THSD4: variants seen among roughly 807,000 people sequenced by gnomAD.
THSD4 encodes thrombospondin type-1 domain-containing protein 4.
THSD4 carries 69 observed loss-of-function variants against 119.0 expected under a neutral mutation model. That is an observed-to-expected ratio of 0.58 (90% CI 0.48 to 0.71). The LOEUF (loss-of-function observed/expected upper bound fraction) is 0.71. Among genes scored for constraint, THSD4 ranks in the 30% least tolerant of loss-of-function variants. The probability of loss-of-function intolerance (pLI) is 0.00; values close to 1 mark genes in which losing one functional copy is unlikely to be tolerated. For synonymous variants in THSD4, 524 were observed against 540.4 expected (o/e 0.97, Z 0.42); for missense variants, 1,393 against 1,391.1 (o/e 1.00, Z -0.02).
At chr15:71,247,140 T>G (rs1267405022) in intron 5 of THSD4, among the ~76,000 whole-genome samples, 1 of 152,050 alleles carries the variant, frequency 6.6e-6, no homozygotes, top group South Asian at 2.1e-4. Flanking sequence ...TCAGGTGATC[T>G]GCCCACCTCT....
At chr15:71,775,627 C>T (rs1476207002) in intron 17 of THSD4, among the ~76,000 whole-genome samples, 1 of 152,160 alleles carries the variant, frequency 6.6e-6, no homozygotes, top group Non-Finnish European at 1.5e-5. Context: ...AGGAGAAAGG[C>T]TTGGACCCGG....
chr15:71,189,303 C>T (rs1361206643), intron 3 of THSD4, among the ~76,000 whole-genome samples: 3 of 152,196 alleles, frequency 2.0e-5, no homozygotes, highest in Non-Finnish European at 4.4e-5. Context: ...ATGAAACCAA[C>T]AGAGAGCAAT....
At chr15:71,134,657 A>C (rs914364052) in intron 1 of THSD4, among the ~76,000 whole-genome samples, 1 of 152,260 alleles carries the variant, frequency 6.6e-6, no homozygotes, top group African/African-American at 2.4e-5. Context: ...AAGAGGACTG[A>C]AAGAGTCTAC....
intron 8 of THSD4, among the ~76,000 whole-genome samples, chr15:71,692,305 A>G (rs921880634): frequency 6.6e-6 from 1 of 152,228 alleles, no homozygotes; most frequent in Non-Finnish European, 1.5e-5. Flanking sequence ...TTATGAGGTC[A>G]TCTGGCTGGA....
intron 3 of THSD4, among the ~76,000 whole-genome samples, 183 bp downstream of exon 3, chr15:71,155,115 G>A (rs2040763586): frequency 6.6e-6 from 1 of 152,198 alleles, no homozygotes; most frequent in African/African-American, 2.4e-5. Context: ...ATCTGAAACT[G>A]GGGAATTTAT....
intron 7 of THSD4, among the ~76,000 whole-genome samples, chr15:71,585,536 G>T (rs2049649052): frequency 6.6e-6 from 1 of 152,102 alleles, no homozygotes; most frequent in Non-Finnish European, 1.5e-5. Flanking sequence ...TGACAATTTG[G>T]TTATAATGTG....
intron 6 of THSD4, among the ~76,000 whole-genome samples, chr15:71,320,736 C>T (rs181398475): frequency 6.6e-6 from 1 of 152,300 alleles, no homozygotes; most frequent in African/African-American, 2.4e-5. Flanking sequence ...CAAGAAACCG[C>T]ATCAAATAAC....
intron 7 of THSD4, among the ~76,000 whole-genome samples, chr15:71,471,446 C>T (rs1198249800): frequency 6.6e-6 from 1 of 152,028 alleles, no homozygotes; most frequent in Non-Finnish European, 1.5e-5. Flanking sequence ...CTAGGCCAGC[C>T]CTGAGGTGTC....
At chr15:71,248,548 C>G (rs1483155050) in intron 5 of THSD4, among the ~76,000 whole-genome samples, 1 of 152,058 alleles carries the variant, frequency 6.6e-6, no homozygotes, top group African/African-American at 2.4e-5. Flanking sequence ...ACAGAGTGCA[C>G]TTAACATTAT....
intron 6 of THSD4, among the ~76,000 whole-genome samples, chr15:71,309,780 GTA>G (rs2045085714): frequency 6.6e-6 from 1 of 152,178 alleles, no homozygotes; most frequent in Non-Finnish European, 1.5e-5. Flanking sequence ...CTTGTTGACC[GTA>G]TATGTATGGG....
chr15:71,554,066 G>T (rs939635484), intron 7 of THSD4, among the ~76,000 whole-genome samples: 84 of 140,276 alleles, frequency 6.0e-4, no homozygotes, highest in Non-Finnish European at 9.7e-4. Flanking sequence ...GTTTTGTTTT[G>T]TTTTTTCGTT....
intron 8 of THSD4, among the ~76,000 whole-genome samples, chr15:71,671,719 A>T (rs1595849903): frequency 1.3e-5 from 2 of 152,204 alleles, no homozygotes; most frequent in Non-Finnish European, 2.9e-5. Flanking sequence ...CAGTTTTCCC[A>T]GCACCATTTA....
chr15:71,363,004 T>C (rs2045913536), intron 6 of THSD4, among the ~76,000 whole-genome samples: 4 of 148,566 alleles, frequency 2.7e-5, no homozygotes, highest in Admixed American at 1.3e-4. Context: ...ACAAAAGAAA[T>C]CTCGTAATGT....
intron 14 of THSD4, among the ~76,000 whole-genome samples, chr15:71,755,772 A>G (rs7174974): frequency 0.19 from 28,082 of 150,376 alleles, 5,212 homozygotes; most frequent in African/African-American, 0.47. Context: ...GGCAGGAAGC[A>G]GCACATAGAG....
intron 13 of THSD4, 120 bp from the exon 14 acceptor site, chr15:71,748,301 C>T (rs1316367469): frequency 1.6e-6 from 2 of 1,224,872 alleles, no homozygotes; most frequent in African/African-American, 1.5e-5. Context: ...CAGCTGGTGA[C>T]ATGCATGACA....
At chr15:71,219,537 A>G (rs2043958843) in intron 4 of THSD4, among the ~76,000 whole-genome samples, 1 of 152,164 alleles carries the variant, frequency 6.6e-6, no homozygotes, top group African/African-American at 2.4e-5. Context: ...ACGTTTCTTC[A>G]TTTTAAATGC....
intron 14 of THSD4, among the ~76,000 whole-genome samples, chr15:71,749,259 A>C (rs764115230): frequency 3.3e-5 from 5 of 152,252 alleles, no homozygotes; most frequent in South Asian, 4.1e-4. Flanking sequence ...ACCACAATCA[A>C]AAATGAAGTT....
intron 6 of THSD4, among the ~76,000 whole-genome samples, chr15:71,400,616 A>G (rs1329984001): frequency 2.0e-5 from 3 of 152,192 alleles, no homozygotes; most frequent in African/African-American, 7.2e-5. Context: ...ACTAGACCAA[A>G]TGCTGCAAAC....
intron 5 of THSD4, among the ~76,000 whole-genome samples, chr15:71,248,283 A>AAAC (rs1325135525): frequency 4.6e-5 from 7 of 152,168 alleles, no homozygotes; most frequent in African/African-American, 1.2e-4. Flanking sequence ...TTTGTCTCTA[A>AAAC]AACAACAACA....
Sources: gnomAD v4.1 joint callset for allele counts (sites outside exome capture counted in the v4.1 genomes callset) on GRCh38, gnomAD v4.1.1 for gene constraint, MANE v1.5 for transcripts, NCBI Gene and HGNC (gene_info 2026-07-23, HGNC 2026-07-21) for gene names.